Variants in PBX1 observed in about 807,000 individuals in gnomAD.
The protein encoded by PBX1 is pre-B-cell leukemia transcription factor 1.
Under a neutral mutation model 53.4 loss-of-function variants are expected in PBX1, and 6 were observed. That is an observed-to-expected ratio of 0.11 (90% CI 0.06 to 0.22). The LOEUF (loss-of-function observed/expected upper bound fraction) is 0.22. Ranked by LOEUF, PBX1 falls within the 10% of genes least tolerant of loss-of-function variation. The probability of loss-of-function intolerance (pLI) is 1.00; values close to 1 mark genes in which losing one functional copy is unlikely to be tolerated. For synonymous variants in PBX1, 204 were observed against 212.3 expected (o/e 0.96, Z 0.34); for missense variants, 251 against 551.4 (o/e 0.46, Z 5.46).
chr1:164,849,599 G>T lies in PBX1; in HGVS notation c.*2923G>T. ...TTTTCCCCGACAGCGAATTTCCCCT[G>T]AGAAACGATACTAGACCCTGGGTTT... On this transcript the variant is annotated 3_prime_UTR_variant, in exon 9 of 9. Coordinates refer to ENST00000420696, the MANE Select transcript of PBX1 (RefSeq NM_002585.4). 1.3e-6 allele frequency: 1 copy of T among 781,552 alleles called. No individual in the cohort carries two copies. Among genetic ancestry groups the T allele is most frequent in the East Asian group, 2.8e-5 (1 of 35,776 alleles). The allele number at this position is 781,552 out of a possible 1,614,324, so 48.4% of individuals were successfully genotyped here.
chr1:164,713,539 C>T (rs1478478411), intron 2 of PBX1, among the ~76,000 whole-genome samples: 1 of 152,168 alleles, frequency 6.6e-6, no homozygotes, highest in African/African-American at 2.4e-5. Flanking sequence ...CTGTCTCTCT[C>T]CACCCCTCTT....
At chr1:164,592,801 C>A (rs1305514190) in intron 2 of PBX1, among the ~76,000 whole-genome samples, 1 of 152,176 alleles carries the variant, frequency 6.6e-6, no homozygotes, top group African/African-American at 2.4e-5. Context: ...ACACACCAGG[C>A]TCCCACGCGC....
At chr1:164,816,654 G>C (rs1669892540) in intron 6 of PBX1, 1 of 152,034 alleles carries the variant, frequency 6.6e-6, no homozygotes, top group Non-Finnish European at 1.5e-5. Context: ...GCATCTATTG[G>C]ATAGAGGATA....
chr1:164,639,931 G>A (rs1273602990), intron 2 of PBX1, among the ~76,000 whole-genome samples: 1 of 151,624 alleles, frequency 6.6e-6, no homozygotes, highest in East Asian at 2.0e-4. Flanking sequence ...TCAAAATGTT[G>A]GGATTACAGA....
chr1:164,766,975 G>A (rs1389968963), intron 2 of PBX1, among the ~76,000 whole-genome samples: 4 of 151,680 alleles, frequency 2.6e-5, no homozygotes, highest in African/African-American at 7.3e-5. Flanking sequence ...TGATCCGCCC[G>A]CCTCAGCCTC....
At chr1:164,742,943 AG>A (rs1665688855) in intron 2 of PBX1, among the ~76,000 whole-genome samples, 1 of 152,242 alleles carries the variant, frequency 6.6e-6, no homozygotes, top group Admixed American at 6.5e-5. Flanking sequence ...ACTTCATAAT[AG>A]AGCAGAGATG....
At chr1:164,646,982 G>A (rs1659492053) in intron 2 of PBX1, among the ~76,000 whole-genome samples, 1 of 152,192 alleles carries the variant, frequency 6.6e-6, no homozygotes, top group Admixed American at 6.5e-5. Context: ...GTGTGGAGAT[G>A]TCCCAGGACA....
chr1:164,647,276 G>A (rs528196007), intron 2 of PBX1, among the ~76,000 whole-genome samples: 2 of 152,172 alleles, frequency 1.3e-5, no homozygotes, highest in Non-Finnish European at 1.5e-5. Context: ...AACAGGGGCC[G>A]TTGGAGGAGG....
At chr1:164,718,341 G>A (rs916087979) in intron 2 of PBX1, among the ~76,000 whole-genome samples, 1 of 152,160 alleles carries the variant, frequency 6.6e-6, no homozygotes, top group African/African-American at 2.4e-5. Flanking sequence ...TGCCTGGGGT[G>A]AAAATCTTCT....
intron 5 of PBX1, among the ~76,000 whole-genome samples, chr1:164,811,046 A>G (rs979607326): frequency 6.6e-6 from 1 of 152,202 alleles, no homozygotes; most frequent in African/African-American, 2.4e-5. Flanking sequence ...GCTGTGGTAC[A>G]TGTGGGATCA....
intron 2 of PBX1, among the ~76,000 whole-genome samples, chr1:164,880,562 C>T (rs1385315183): frequency 6.6e-6 from 1 of 152,236 alleles, no homozygotes; most frequent in African/African-American, 2.4e-5. Flanking sequence ...CCATCCTGGG[C>T]ACCTTGCCTT....
rs545904544 is a variant in PBX1 at position 164,811,028 on chromosome 1, A to C, written c.838-962A>C. On this transcript the variant is annotated intron_variant, in intron 5 of 8. Coordinates refer to ENST00000420696, the MANE Select transcript of PBX1 (RefSeq NM_002585.4). ...CGTCGTTGGGAGTTAAATATCAATG[A>C]TATGTAAGCTGTGGTACATGTGGGA... Among the ~76,000 whole-genome samples the C allele has an allele frequency of 5.9e-5, 9 of 152,312 alleles. No individual in the cohort carries two copies. In the East Asian group the frequency reaches 1.2e-3, roughly 20 times the overall value.
rs553355091 is a variant in PBX1, at chr1:164,782,365, G to T, written c.266-10129G>T. Among the ~76,000 whole-genome samples, 6 of 152,300 alleles carry T rather than the reference G, an allele frequency of 3.9e-5. No homozygotes were observed. In the South Asian group the frequency reaches 1.0e-3, roughly 26 times the overall value. On this transcript the variant is annotated intron_variant, in intron 2 of 8. Coordinates refer to ENST00000420696, the MANE Select transcript of PBX1 (RefSeq NM_002585.4). The stretch of plus-strand genomic sequence containing the variant: ...CACCTCTGTCTATGGCTGTCACCTG[G>T]CAGAGGTTTGCATTTCAATCTTATT...
At position 164,773,317 on chromosome 1, in the gene PBX1, C is replaced by A. The variant is rs77461406; in HGVS notation, c.266-19177C>A. Among the ~76,000 whole-genome samples, 1,323 of 151,142 alleles carry A rather than the reference C, an allele frequency of 8.8e-3. 15 individuals are homozygous for A. The highest frequency in any genetic ancestry group is 0.031 in the African/African-American group (1,264 of 41,158). ...TGTCTCTTGCCTTCCACTGTCAGAT[C>A]GTAACCTGATAGACTGAATTGAGTG... On this transcript the variant is annotated intron_variant, in intron 2 of 8. Coordinates refer to ENST00000420696, the MANE Select transcript of PBX1 (RefSeq NM_002585.4).
chr1:164,811,919 C>T, intron 5 of PBX1, 71 bp from the exon 6 acceptor site: 2 of 1,368,166 alleles, frequency 1.5e-6, no homozygotes, highest in Middle Eastern at 2.0e-4. Context: ...CCCATAAAGC[C>T]TTTTTTTTCT....
intron 2 of PBX1, among the ~76,000 whole-genome samples, chr1:164,663,849 T>G (rs1660655415): frequency 6.6e-6 from 1 of 152,128 alleles, no homozygotes; most frequent in Non-Finnish European, 1.5e-5. Context: ...AATCAGATGG[T>G]GTTTAAGTTA....
chr1:164,690,163 C>T (rs993040301), intron 2 of PBX1, among the ~76,000 whole-genome samples: 6 of 152,258 alleles, frequency 3.9e-5, no homozygotes, highest in South Asian at 2.1e-4. Context: ...TCTGTGCTCT[C>T]GCTCTCCAGT....
intron 2 of PBX1, among the ~76,000 whole-genome samples, chr1:164,752,902 T>G (rs1033888826): frequency 6.6e-6 from 1 of 152,198 alleles, no homozygotes; most frequent in Non-Finnish European, 1.5e-5. Flanking sequence ...CTGAGACCAG[T>G]TTTAATTTTA....
intron 2 of PBX1, among the ~76,000 whole-genome samples, chr1:164,619,605 T>A (rs1345986376): frequency 6.6e-6 from 1 of 152,114 alleles, no homozygotes; most frequent in African/African-American, 2.4e-5. Context: ...CAGGGAGCAG[T>A]TCACCTCCCT....
Sources: allele counts gnomAD v4.1 joint callset (sites outside exome capture counted in the v4.1 genomes callset), GRCh38; gene constraint gnomAD v4.1.1; transcripts MANE v1.5; gene names NCBI Gene and HGNC (gene_info 2026-07-23, HGNC 2026-07-21).